IQCJ: variants seen among roughly 807,000 people sequenced by gnomAD.
The protein encoded by IQCJ is IQ domain-containing protein J.
Under a neutral mutation model 11.0 loss-of-function variants are expected in IQCJ, and 9 were observed. That is an observed-to-expected ratio of 0.82 (90% CI 0.49 to 1.43). The LOEUF is 1.43. IQCJ is among the 40% of genes most tolerant of loss of function. The pLI is 0.00. For missense variants in IQCJ, 146 were observed against 133.2 expected, an observed-to-expected ratio of 1.10 and a Z score of -0.47; for synonymous variants, 55 against 51.3, an observed-to-expected ratio of 1.07 and a Z score of -0.31.
intron 1 of IQCJ, among the ~76,000 whole-genome samples, chr3:159,227,951 G>A (rs1314725818): frequency 6.6e-6 from 1 of 152,176 alleles, no homozygotes; most frequent in African/African-American, 2.4e-5. Context: ...GGAGAAGAGG[G>A]AAGAGTAGTC....
Position 159,262,626 on chromosome 3 carries a change from C to T in IQCJ, c.234C>T (p.Ser78=), listed in dbSNP as rs1728283494. 1 of 1,613,928 alleles carries T rather than the reference C, an allele frequency of 6.2e-7. No individual in the cohort carries two copies. The highest frequency in any genetic ancestry group is 8.5e-7 in the Non-Finnish European group (1 of 1,179,904). ...GKRSPSPPSV[S]SEKLSSSVSM... is the part of the protein sequence containing the mutation. The stretch of plus-strand genomic sequence containing the variant: ...GGAGCCCGTCCCCACCCTCTGTCTC[C>T]TCAGAGAAGCTGAGCAGCTCTGTCA... Residue 78 remains serine, a synonymous_variant, in exon 4 of 4, where the codon TCC becomes TCT. Transcript: ENST00000397832.
Position 159,245,835 on chromosome 3 carries a change from T to C in IQCJ, c.10-8T>C, listed in dbSNP as rs368768508. 45 of 1,543,456 alleles carry C rather than the reference T, an allele frequency of 2.9e-5. No homozygotes were observed. The African/African-American group carries it at 5.9e-4, about 20-fold the overall frequency. The stretch of plus-strand genomic sequence containing the variant: ...CAATTTGTAAGATATATCTTCTCTT[T>C]TTCACAGGAAGAACTGAAAAGATTG... On this transcript the variant is annotated splice_region_variant and splice_polypyrimidine_tract_variant and intron_variant, in intron 1 of 3. Transcript: ENST00000397832.
At chr3:159,147,037 C>T (rs1200365121) in intron 1 of IQCJ, among the ~76,000 whole-genome samples, 2 of 152,232 alleles carry the variant, frequency 1.3e-5, no homozygotes, top group African/African-American at 4.8e-5. Flanking sequence ...TCACACTGCT[C>T]ATTGTCTGCC....
At chr3:159,180,127 T>C (rs1378667873) in intron 1 of IQCJ, among the ~76,000 whole-genome samples, 2 of 152,238 alleles carry the variant, frequency 1.3e-5, no homozygotes, top group African/African-American at 2.4e-5. Flanking sequence ...AGTATTCCTG[T>C]AATAGACAGG....
intron 1 of IQCJ, among the ~76,000 whole-genome samples, chr3:159,089,239 A>G (rs563710451): frequency 6.6e-6 from 1 of 152,254 alleles, no homozygotes; most frequent in African/African-American, 2.4e-5. Context: ...AGAATGTTGA[A>G]TATTGGCCCC....
chr3:159,250,760 A>T (rs1261385191), intron 2 of IQCJ, among the ~76,000 whole-genome samples: 1 of 152,180 alleles, frequency 6.6e-6, no homozygotes, highest in Non-Finnish European at 1.5e-5. Context: ...ACATGTGGGG[A>T]TTATTACAAT....
At chr3:159,259,960 C>CA (rs1185343314) in intron 3 of IQCJ, among the ~76,000 whole-genome samples, 3 of 151,858 alleles carry the variant, frequency 2.0e-5, no homozygotes, top group Admixed American at 1.3e-4. Flanking sequence ...ATAAATATTA[C>CA]AAAAAAACAG....
intron 1 of IQCJ, among the ~76,000 whole-genome samples, chr3:159,083,933 G>A (rs566045957): frequency 2.0e-5 from 3 of 152,196 alleles, no homozygotes; most frequent in Admixed American, 6.5e-5. Flanking sequence ...CGGGTGGGCC[G>A]TAAAAGGGTA....
intron 1 of IQCJ, among the ~76,000 whole-genome samples, chr3:159,220,868 A>G (rs1379457180): frequency 2.0e-5 from 3 of 152,096 alleles, no homozygotes; most frequent in South Asian, 2.1e-4. Context: ...GACTTGCCCA[A>G]AGTTTTCTGT....
At chr3:159,120,845 C>T (rs991993377) in intron 1 of IQCJ, among the ~76,000 whole-genome samples, 1 of 152,216 alleles carries the variant, frequency 6.6e-6, no homozygotes, top group Non-Finnish European at 1.5e-5. Flanking sequence ...AGGCATCAAG[C>T]ACCCAAGCTC....
intron 1 of IQCJ, among the ~76,000 whole-genome samples, chr3:159,214,189 C>G (rs1341512042): frequency 1.3e-5 from 2 of 152,172 alleles, no homozygotes; most frequent in Non-Finnish European, 2.9e-5. Flanking sequence ...CCATTCCCAG[C>G]TCAATCTGTT....
chr3:159,261,678 A>G (rs1728216372), intron 3 of IQCJ, among the ~76,000 whole-genome samples: 1 of 152,190 alleles, frequency 6.6e-6, no homozygotes, highest in Admixed American at 6.5e-5. Flanking sequence ...AGTCTCGGGT[A>G]TTTCTTCATA....
chr3:159,078,515 G>A (rs549493139), intron 1 of IQCJ, among the ~76,000 whole-genome samples: 2 of 151,396 alleles, frequency 1.3e-5, no homozygotes, highest in East Asian at 3.9e-4. Context: ...GAACACAGAA[G>A]GACTCTTGGC....
chr3:159,216,693 A>ATT lies in IQCJ; in HGVS notation c.10-29143_10-29142dup, dbSNP rs137937027. The stretch of plus-strand genomic sequence containing the variant: ...TTTCTTGACTGACTGACATACATGC[A>ATT]TTTTTTTTCCCAAAATGAGCTTGTA... On this transcript the variant is annotated intron_variant, in intron 1 of 3. Transcript: ENST00000397832. Among the ~76,000 whole-genome samples the ATT allele has an allele frequency of 7.0e-4, 107 of 151,960 alleles. 1 individual carries two copies. The highest frequency in any genetic ancestry group is 2.5e-3 in the African/African-American group (103 of 41,432).
At chr3:159,191,902 C>T (rs1295948797) in intron 1 of IQCJ, among the ~76,000 whole-genome samples, 1 of 152,174 alleles carries the variant, frequency 6.6e-6, no homozygotes, top group Non-Finnish European at 1.5e-5. Context: ...TGTATTTTAT[C>T]ATTATGATGA....
At chr3:159,198,682 C>G (rs779082138) in intron 1 of IQCJ, among the ~76,000 whole-genome samples, 2 of 152,122 alleles carry the variant, frequency 1.3e-5, no homozygotes, top group Non-Finnish European at 2.9e-5. Flanking sequence ...ATTAATGTGT[C>G]TTGGCTTCTT....
intron 1 of IQCJ, among the ~76,000 whole-genome samples, chr3:159,152,176 C>A (rs533022464): frequency 1.9e-4 from 29 of 152,272 alleles, no homozygotes; most frequent in African/African-American, 7.0e-4. Context: ...AAATGGCCAT[C>A]AAGTAGGTCC....
rs1309888506 is a variant in IQCJ, at chr3:159,091,662, ACACACACGCATG to A, written c.9+22229_9+22240del. ...AAGGGGTATTTACACACACACACAC[ACACACACGCATG>A]CACACACACACACACACACACACAC... On this transcript the variant is annotated intron_variant, in intron 1 of 3. Coordinates refer to ENST00000397832, the MANE Select transcript of IQCJ (RefSeq NM_001042706.3). Among the ~76,000 whole-genome samples the A allele has an allele frequency of 5.6e-5, 3 of 53,404 alleles. 1 individual carries two copies. The highest frequency in any genetic ancestry group is 2.0e-4 in the African/African-American group (3 of 14,700). 35.0% of individuals were successfully genotyped at this position (53,404 alleles called of 152,430 possible).
intron 1 of IQCJ, among the ~76,000 whole-genome samples, chr3:159,203,412 T>C (rs976304866): frequency 6.6e-6 from 1 of 151,738 alleles, no homozygotes; most frequent in African/African-American, 2.4e-5. Flanking sequence ...TTAGGTCTTC[T>C]GGTTTAGTGT....
Sources: allele counts gnomAD v4.1 joint callset (sites outside exome capture counted in the v4.1 genomes callset), GRCh38; gene constraint gnomAD v4.1.1; transcripts MANE v1.5; gene names NCBI Gene and HGNC (gene_info 2026-07-23, HGNC 2026-07-21).